The following FBXL7 variants were observed in gnomAD, a reference collection of about 807,000 sequenced individuals.
FBXL7 encodes F-box and leucine rich repeat protein 7, also known as F-box/LRR-repeat protein 7.
A neutral mutation model predicts 38.3 loss-of-function variants in FBXL7; 12 were observed. The ratio of observed to expected loss-of-function variants is 0.31; its 90% CI spans 0.20 to 0.51. The LOEUF is 0.51. FBXL7 is among the 20% of genes least tolerant of loss of function. The pLI is 0.98. For synonymous variants in FBXL7, 297 were observed against 300.9 expected, an observed-to-expected ratio of 0.99 and a Z score of 0.13; for missense variants, 567 against 676.4, an observed-to-expected ratio of 0.84 and a Z score of 1.79.
At chr5:15,660,547 G>A (rs1283177467) in intron 2 of FBXL7, among the ~76,000 whole-genome samples, 2 of 152,028 alleles carry the variant, frequency 1.3e-5, no homozygotes, top group African/African-American at 4.8e-5. Context: ...TGGTAGAGAC[G>A]GGGTTTCACC....
chr5:15,780,044 T>G (rs1212206256), intron 2 of FBXL7, among the ~76,000 whole-genome samples: 3 of 152,144 alleles, frequency 2.0e-5, no homozygotes, highest in African/African-American at 7.2e-5. Context: ...TTAAGTGATT[T>G]CTCTTTGGCC....
intron 2 of FBXL7, among the ~76,000 whole-genome samples, chr5:15,710,618 G>A (rs1743834991): frequency 6.6e-6 from 1 of 152,170 alleles, no homozygotes; most frequent in African/African-American, 2.4e-5. Context: ...ATGAATGCAT[G>A]CATTTTGTTT....
At chr5:15,743,810 T>G (rs1487591052) in intron 2 of FBXL7, among the ~76,000 whole-genome samples, 1 of 152,260 alleles carries the variant, frequency 6.6e-6, no homozygotes, top group Non-Finnish European at 1.5e-5. Flanking sequence ...CTTTGAAATC[T>G]AGGCAGAAGT....
At chr5:15,801,414 T>A (rs1428329611) in intron 2 of FBXL7, among the ~76,000 whole-genome samples, 1 of 152,138 alleles carries the variant, frequency 6.6e-6, no homozygotes, top group Admixed American at 6.5e-5. Context: ...TAATTGTAAA[T>A]GATGTGTAAT....
intron 2 of FBXL7, among the ~76,000 whole-genome samples, chr5:15,730,418 C>G (rs992411025): frequency 6.6e-6 from 1 of 152,046 alleles, no homozygotes; most frequent in Non-Finnish European, 1.5e-5. Flanking sequence ...GCTCTGGTTT[C>G]TTGAGTGATT....
chr5:15,914,044 A>T (rs1217755421), intron 2 of FBXL7, among the ~76,000 whole-genome samples: 2 of 152,032 alleles, frequency 1.3e-5, no homozygotes, highest in Non-Finnish European at 2.9e-5. Flanking sequence ...TAAAAGTGTT[A>T]CTCATTTTTA....
At chr5:15,874,264 A>G (rs138230962) in intron 2 of FBXL7, among the ~76,000 whole-genome samples, 4,811 of 152,216 alleles carry the variant, frequency 0.032, 104 homozygotes, top group Non-Finnish European at 0.05. Flanking sequence ...TTGATGAAAC[A>G]TGTCTCAAAA....
At chr5:15,781,967 C>G (rs1460324018) in intron 2 of FBXL7, among the ~76,000 whole-genome samples, 1 of 152,104 alleles carries the variant, frequency 6.6e-6, no homozygotes, top group Admixed American at 6.6e-5. Flanking sequence ...TCTCGTAATG[C>G]TATTCCTCCC....
intron 1 of FBXL7, among the ~76,000 whole-genome samples, chr5:15,532,072 G>T (rs1737448194): frequency 1.3e-5 from 2 of 152,174 alleles, no homozygotes; most frequent in South Asian, 4.1e-4. Flanking sequence ...ACCATGCTTG[G>T]TACACATTGT....
chr5:15,723,697 A>G (rs1044726712), intron 2 of FBXL7, among the ~76,000 whole-genome samples: 33 of 152,364 alleles, frequency 2.2e-4, no homozygotes, highest in African/African-American at 7.2e-4. Context: ...TGTTATTAAT[A>G]TAATTTGCTT....
At chr5:15,760,291 T>G (rs1736405556) in intron 2 of FBXL7, among the ~76,000 whole-genome samples, 1 of 152,082 alleles carries the variant, frequency 6.6e-6, no homozygotes, top group Admixed American at 6.6e-5. Flanking sequence ...GGAAAATGAT[T>G]AGCTGTGGTA....
At chr5:15,543,789 T>G (rs1442669559) in intron 1 of FBXL7, among the ~76,000 whole-genome samples, 12 of 152,214 alleles carry the variant, frequency 7.9e-5, no homozygotes, top group Non-Finnish European at 1.6e-4. Flanking sequence ...AGATGTTATA[T>G]GCATTTCTTT....
chr5:15,779,193 G>T (rs1385578296), intron 2 of FBXL7, among the ~76,000 whole-genome samples: 1 of 152,038 alleles, frequency 6.6e-6, no homozygotes, highest in Non-Finnish European at 1.5e-5. Flanking sequence ...AGGCTGGGAA[G>T]GGAGGTGAGG....
chr5:15,853,757 G>A (rs1309817269), intron 2 of FBXL7, among the ~76,000 whole-genome samples: 2 of 152,136 alleles, frequency 1.3e-5, no homozygotes, highest in Non-Finnish European at 2.9e-5. Context: ...CAAGGCTATG[G>A]GCAAGGGTAA....
intron 2 of FBXL7, among the ~76,000 whole-genome samples, chr5:15,724,816 G>A (rs1579409965): frequency 6.6e-6 from 1 of 152,102 alleles, no homozygotes; most frequent in African/African-American, 2.4e-5. Flanking sequence ...AATGAGCTTG[G>A]ATTCGTAGAG....
rs34173414 is a variant in FBXL7 at position 15,689,267 on chromosome 5, GTTT to G, written c.127+73209_127+73211del. On this transcript the variant is annotated intron_variant, in intron 2 of 3. Coordinates refer to ENST00000504595, the MANE Select transcript of FBXL7 (RefSeq NM_012304.5). ...GCTGCTTGTCATCAGTTTATTTTCA[GTTT>G]TTTTTTTTTTTTTAGAAAAATGCAC... is the stretch of plus-strand genomic sequence containing the variant. Among the ~76,000 whole-genome samples the G allele has an allele frequency of 6.2e-3, 890 of 142,622 alleles. 5 individuals are homozygous for G. Among genetic ancestry groups the G allele is most frequent in the African/African-American group, 0.022 (846 of 38,610 alleles). 93.6% of individuals were successfully genotyped at this position (142,622 alleles called of 152,430 possible). A position where few individuals can be genotyped will look rare whatever the true frequency, so the allele number is the denominator to read the frequency against.
intron 2 of FBXL7, among the ~76,000 whole-genome samples, chr5:15,628,194 T>A (rs1284465938): frequency 3.3e-5 from 5 of 152,200 alleles, no homozygotes; most frequent in Non-Finnish European, 7.3e-5. Flanking sequence ...GTGGGGCATC[T>A]GGTACACTGA....
chr5:15,835,612 T>C (rs368834644), intron 2 of FBXL7, among the ~76,000 whole-genome samples: 102 of 152,236 alleles, frequency 6.7e-4, no homozygotes, highest in African/African-American at 2.4e-3. Flanking sequence ...AATAGGGGCC[T>C]GGAGAATGTA....
chr5:15,883,384 A>C (rs1045067208), intron 2 of FBXL7, among the ~76,000 whole-genome samples: 1 of 152,176 alleles, frequency 6.6e-6, no homozygotes, highest in African/African-American at 2.4e-5. Flanking sequence ...AAAATAGACT[A>C]TGAGATACTC....
Sources: allele counts gnomAD v4.1 joint callset (sites outside exome capture counted in the v4.1 genomes callset), GRCh38; gene constraint gnomAD v4.1.1; transcripts MANE v1.5; gene names NCBI Gene and HGNC (gene_info 2026-07-23, HGNC 2026-07-21).